Variants in TXNL4B observed in about 807,000 individuals in gnomAD.
TXNL4B encodes the protein thioredoxin-like protein 4B.
Under a neutral mutation model 13.0 loss-of-function variants are expected in TXNL4B, and 12 were observed. That is an observed-to-expected ratio of 0.92 (90% CI 0.59 to 1.49). The LOEUF (loss-of-function observed/expected upper bound fraction) is 1.49, where lower values mean the gene tolerates loss of function less well. TXNL4B is among the 40% of genes most tolerant of loss of function. The probability of loss-of-function intolerance (pLI) is 0.00; values close to 1 mark genes in which losing one functional copy is unlikely to be tolerated. For synonymous variants in TXNL4B, 59 were observed against 58.9 expected, an observed-to-expected ratio of 1.00 and a Z score of -0.01; for missense variants, 214 against 173.6, an observed-to-expected ratio of 1.23 and a Z score of -1.31.
rs1424789345 is a variant in TXNL4B at position 72,090,692 on chromosome 16, T to C, written c.58A>G (p.Ser20Gly). 6.2e-7 allele frequency: 1 copy of C among 1,614,102 alleles called. No individual in the cohort carries two copies. Among genetic ancestry groups the C allele is most frequent in the Non-Finnish European group, 8.5e-7 (1 of 1,180,038 alleles). ...SKKEVDQAIKSTAEKVLVLRF... is the reference protein window; with the variant it reads ...SKKEVDQAIKGTAEKVLVLRF... ...AGAACCAACACCTTCTCAGCAGTAC[T>C]TTTTATCGCCTGGTCTACTTCCTTT... Residue 20 changes from serine (S) to glycine (G), a missense_variant, in exon 2 of 4, where the codon AGT (serine) becomes GGT (glycine). Ser to Gly is a moderately conservative substitution (Grantham distance 56). Transcript: ENST00000268483.
At chr16:72,090,409 T>C (rs1463765828) in intron 2 of TXNL4B, among the ~76,000 whole-genome samples, 1 of 152,140 alleles carries the variant, frequency 6.6e-6, no homozygotes, top group African/African-American at 2.4e-5. Flanking sequence ...CATTGACAGC[T>C]TCTAGTGGGT....
intron 3 of TXNL4B, 67 bp from the exon 4 acceptor site, chr16:72,086,869 G>A: frequency 2.4e-6 from 3 of 1,272,022 alleles, no homozygotes; most frequent in African/African-American, 1.5e-5. Context: ...AAGACTTTCA[G>A]GATAAACAAA....
At chr16:72,087,454 A>T (rs979222456) in intron 3 of TXNL4B, 1 of 151,918 alleles carries the variant, frequency 6.6e-6, no homozygotes, top group East Asian at 1.9e-4. Flanking sequence ...TCTAGCTGAC[A>T]TATATTTCTT....
At chr16:72,088,062 G>A (rs1168062335) in intron 3 of TXNL4B, among the ~76,000 whole-genome samples, 2 of 152,128 alleles carry the variant, frequency 1.3e-5, no homozygotes, top group Admixed American at 1.3e-4. Flanking sequence ...CTCATAATCT[G>A]CCTGCCTCGG....
At position 72,086,537 on chromosome 16, in the gene TXNL4B, G is replaced by A. The variant is rs756880604; in HGVS notation, c.*100C>T. 85 of 1,177,692 alleles carry A rather than the reference G, an allele frequency of 7.2e-5. No homozygotes were observed. The highest frequency in any genetic ancestry group is 6.8e-5 in the Non-Finnish European group (56 of 828,558). The allele number at this position is 1,177,692 out of a possible 1,614,324, so 73.0% of individuals were successfully genotyped here. On this transcript the variant is annotated 3_prime_UTR_variant, in exon 4 of 4. Coordinates refer to ENST00000268483, the MANE Select transcript of TXNL4B (RefSeq NM_017853.3). The stretch of plus-strand genomic sequence containing the variant: ...CGCAAGTCAAACCTCTTCTCCTCTG[G>A]GACACATGTTTCCAAAGGACTCCAG...
At chr16:72,087,735 G>C (rs1399071105) in intron 3 of TXNL4B, among the ~76,000 whole-genome samples, 1 of 151,850 alleles carries the variant, frequency 6.6e-6, no homozygotes, top group Admixed American at 6.6e-5. Context: ...TGCGTTCTCT[G>C]CTCACTGCAA....
At chr16:72,092,606 C>T (rs2041928163) in intron 1 of TXNL4B, among the ~76,000 whole-genome samples, 1 of 152,088 alleles carries the variant, frequency 6.6e-6, no homozygotes, top group Admixed American at 6.5e-5. Context: ...AGAATTCAAA[C>T]AAACAGCAGT....
intron 1 of TXNL4B, among the ~76,000 whole-genome samples, chr16:72,092,377 C>T (rs12445586): frequency 0.47 from 70,967 of 151,370 alleles, 18,542 homozygotes; most frequent in African/African-American, 0.71. Flanking sequence ...CGCTCCACTG[C>T]ACTCCAGCCT....
intron 1 of TXNL4B, 21 bp from the exon 2 acceptor site, chr16:72,090,807 T>C: frequency 6.2e-7 from 1 of 1,604,560 alleles, no homozygotes; most frequent in Non-Finnish European, 8.5e-7. Flanking sequence ...GGTGCAATGT[T>C]TAAAGACAGT....
chr16:72,090,283 T>C (rs1372560440), intron 2 of TXNL4B: 1 of 461,920 alleles, frequency 2.2e-6, no homozygotes, highest in South Asian at 1.6e-5. Context: ...TGGTTTTTTT[T>C]TTCCTACTGG....
chr16:72,088,319 G>A (rs186904145), intron 3 of TXNL4B, among the ~76,000 whole-genome samples: 55 of 152,328 alleles, frequency 3.6e-4, no homozygotes, highest in African/African-American at 1.3e-3. Context: ...GACAAAAAGG[G>A]TACACAGATC....
At chr16:72,093,773 T>G (rs2041960742), upstream of TXNL4B, 1 of 152,276 alleles carries the variant, frequency 6.6e-6, no homozygotes, top group South Asian at 2.1e-4. Flanking sequence ...GAGTGATTGG[T>G]CACAAGGAGA....
rs1597425809 is a variant in TXNL4B, at chr16:72,085,308, T to C, written c.*1329A>G. ...CAGGACTAGGCTTCTGTTGGAGAGGTGGTCAGCGGCTGCTAGGCAGGTCAC... is the reference window on the plus strand; with the variant it reads ...CAGGACTAGGCTTCTGTTGGAGAGGCGGTCAGCGGCTGCTAGGCAGGTCAC... On this transcript the variant is annotated 3_prime_UTR_variant, in exon 4 of 4. Transcript: ENST00000268483. 1 of 293,286 alleles carries C rather than the reference T, an allele frequency of 3.4e-6. No individual in the cohort carries two copies. Among genetic ancestry groups the C allele is most frequent in the Non-Finnish European group, 6.2e-6 (1 of 160,420 alleles). The allele number at this position is 293,286 out of a possible 1,614,324, so 18.2% of individuals were successfully genotyped here. A position where few individuals can be genotyped will look rare whatever the true frequency, so the allele number is the denominator to read the frequency against.
At chr16:72,091,652 T>A (rs111678818) in intron 1 of TXNL4B, among the ~76,000 whole-genome samples, 20 of 152,388 alleles carry the variant, frequency 1.3e-4, no homozygotes, top group Admixed American at 3.3e-4. Flanking sequence ...TTGCATGTGT[T>A]ACACTTTTTA....
In TXNL4B at chr16:72,086,662, T is replaced by C. The variant is rs1418188900; in HGVS notation, c.425A>G (p.Tyr142Cys). 8.1e-6 allele frequency: 13 copies of C among 1,613,780 alleles called. No individual in the cohort carries two copies. Among genetic ancestry groups the C allele is most frequent in the Non-Finnish European group, 1.1e-5 (13 of 1,179,678 alleles). ...CTAAATGTCTTGATAGAGAAGGTCA[T>C]ATTTGGGAATATTCTTGGGATCAAT... Reference protein sequence around the residue: ...SPIDPKNIPKYDLLYQDI With the variant: ...SPIDPKNIPKCDLLYQDI Residue 142 changes from tyrosine (Y) to cysteine (C), a missense_variant, in exon 4 of 4, where the codon TAT becomes TGT. Physicochemically the swap from Tyr to Cys is radical, Grantham distance 194. Transcript: ENST00000268483.
rs188371167 is a variant in TXNL4B at position 72,092,789 on chromosome 16, C to A, written c.-38+578G>T. On this transcript the variant is annotated intron_variant, in intron 1 of 3. Coordinates refer to ENST00000268483, the MANE Select transcript of TXNL4B (RefSeq NM_017853.3). ...CAGAGAATTCCCAAAAGAAGACGTA[C>A]AAATGGACAGTAAATAAACTAAAAA... 5.6e-4 allele frequency among the ~76,000 whole-genome samples: 85 copies of A among 152,130 alleles called. 1 individual carries two copies. The highest frequency in any genetic ancestry group is 1.7e-3 in the African/African-American group (72 of 41,476).
chr16:72,090,494 G>T, intron 2 of TXNL4B, 124 bp downstream of exon 2: 2 of 950,188 alleles, frequency 2.1e-6, no homozygotes, highest in African/African-American at 1.7e-5. Context: ...TCAGCTCTTA[G>T]TGAACTAACA....
At chr16:72,091,235 T>A (rs940800700) in intron 1 of TXNL4B, among the ~76,000 whole-genome samples, 2 of 151,906 alleles carry the variant, frequency 1.3e-5, no homozygotes, top group Non-Finnish European at 2.9e-5. Context: ...AGCGGGATGC[T>A]GTACCCATCC....
At chr16:72,087,941 T>C (rs2041847446) in intron 3 of TXNL4B, among the ~76,000 whole-genome samples, 2 of 152,268 alleles carry the variant, frequency 1.3e-5, no homozygotes, top group South Asian at 4.2e-4. Context: ...TGCCTCAGCC[T>C]CCAGAGTAGC....
Sources: gnomAD v4.1 joint callset for allele counts (sites outside exome capture counted in the v4.1 genomes callset) on GRCh38, gnomAD v4.1.1 for gene constraint, MANE v1.5 for transcripts, NCBI Gene and HGNC (gene_info 2026-07-23, HGNC 2026-07-21) for gene names.